Variants in SEPTIN10 observed in about 807,000 individuals in gnomAD.
SEPTIN10 encodes the protein septin-10.
SEPTIN10 carries 66 observed loss-of-function variants against 54.8 expected under a neutral mutation model. That is an observed-to-expected ratio of 1.21 (90% CI 0.99 to 1.48). The LOEUF (loss-of-function observed/expected upper bound fraction) is 1.48, where lower values mean the gene tolerates loss of function less well. Among genes scored for constraint, SEPTIN10 ranks in the 40% most tolerant of loss-of-function variants. The pLI is 0.00. For missense variants in SEPTIN10, 620 were observed against 545.6 expected, an observed-to-expected ratio of 1.14 and a Z score of -1.36; for synonymous variants, 161 against 181.0, an observed-to-expected ratio of 0.89 and a Z score of 0.89.
Position 109,593,066 on chromosome 2 carries a change from T to C in SEPTIN10, c.84A>G (p.Ser28=). The C allele has an allele frequency of 6.3e-7, 1 of 1,599,312 alleles. No individual in the cohort carries two copies. Among genetic ancestry groups the C allele is most frequent in the Non-Finnish European group, 8.5e-7 (1 of 1,173,622 alleles). Residue 28 remains serine (S), a synonymous_variant, in exon 2 of 11, where the codon TCA becomes TCG. Transcript: ENST00000397712. ...ACATACTCACTATCTGTTCATCATC[T>C]GATCCTTGTGAAGACATACAAGTTG... ...TKTTCMSSQG[S]DDEQIKRENI...
chr2:109,609,203 G>A (rs879408704), intron 1 of SEPTIN10, among the ~76,000 whole-genome samples: 6 of 152,032 alleles, frequency 3.9e-5, no homozygotes, highest in Admixed American at 3.9e-4. Context: ...AACAGCTCCT[G>A]GCTGCCTGCA....
intron 1 of SEPTIN10, among the ~76,000 whole-genome samples, chr2:109,598,341 T>C (rs897883750): frequency 2.0e-5 from 3 of 152,088 alleles, no homozygotes; most frequent in African/African-American, 7.2e-5. Flanking sequence ...GTGCTGGGAT[T>C]ATAGGCGTGA....
At chr2:109,545,247 C>T in intron 10 of SEPTIN10, 2 of 1,363,646 alleles carry the variant, frequency 1.5e-6, no homozygotes, top group Non-Finnish European at 1.9e-6. Context: ...TGAATTTCCT[C>T]AAGAGCCAAA....
chr2:109,565,688 C>G, intron 7 of SEPTIN10, 75 bp downstream of exon 7: 1 of 1,257,652 alleles, frequency 8.0e-7, no homozygotes, highest in Non-Finnish European at 1.2e-6. Context: ...AAGCATCACC[C>G]CAAAGAAGGC....
In SEPTIN10 at chr2:109,579,627, C is replaced by G. The variant is rs945668884; in HGVS notation, c.414-4860G>C. ...CAAACTCCTGACCTCAGGTGATCCA[C>G]CCACCTTGGCCTCCCAAAGTGCTGG... On this transcript the variant is annotated intron_variant, in intron 4 of 10. Transcript: ENST00000397712. Among the ~76,000 whole-genome samples the G allele has an allele frequency of 5.7e-4, 87 of 151,430 alleles. 2 individuals carry two copies. Among genetic ancestry groups the G allele is most frequent in the Non-Finnish European group, 3.2e-4 (22 of 67,918 alleles).
intron 8 of SEPTIN10, among the ~76,000 whole-genome samples, chr2:109,557,752 CATT>C (rs1684706717): frequency 6.6e-6 from 1 of 152,082 alleles, no homozygotes; most frequent in African/African-American, 2.4e-5. Flanking sequence ...CTAATGCAAT[CATT>C]GTTTCTTATC....
At chr2:109,550,574 G>A (rs759668478) in intron 9 of SEPTIN10, among the ~76,000 whole-genome samples, 7 of 151,998 alleles carry the variant, frequency 4.6e-5, no homozygotes, top group Admixed American at 1.3e-4. Flanking sequence ...TCGGCCTCCC[G>A]AAGTGCTAGG....
intron 8 of SEPTIN10, among the ~76,000 whole-genome samples, chr2:109,563,121 G>C (rs570159703): frequency 1.3e-5 from 2 of 152,228 alleles, no homozygotes; most frequent in African/African-American, 4.8e-5. Flanking sequence ...ATGTTGGCCA[G>C]GCTGGTCTTG....
At chr2:109,573,103 C>G (rs1297590396) in intron 5 of SEPTIN10, among the ~76,000 whole-genome samples, 1 of 152,122 alleles carries the variant, frequency 6.6e-6, no homozygotes, top group Non-Finnish European at 1.5e-5. Flanking sequence ...ATTTGCTAAA[C>G]CCTCTATTTA....
intron 1 of SEPTIN10, among the ~76,000 whole-genome samples, chr2:109,604,497 C>T (rs1302356023): frequency 1.3e-5 from 2 of 150,844 alleles, no homozygotes; most frequent in African/African-American, 4.9e-5. Flanking sequence ...GAGGCCGAGG[C>T]GGGTGGGATC....
intron 4 of SEPTIN10, among the ~76,000 whole-genome samples, chr2:109,576,142 T>G (rs1689631297): frequency 6.6e-6 from 1 of 152,134 alleles, no homozygotes; most frequent in Non-Finnish European, 1.5e-5. Flanking sequence ...GTGCCTATAG[T>G]CCTAGCTACT....
At chr2:109,578,389 C>G (rs1300325393) in intron 4 of SEPTIN10, among the ~76,000 whole-genome samples, 3 of 152,154 alleles carry the variant, frequency 2.0e-5, no homozygotes, top group Non-Finnish European at 4.4e-5. Flanking sequence ...GACATGGAAG[C>G]ATTACAAGAG....
chr2:109,551,190 A>G (rs1274468267), intron 9 of SEPTIN10, among the ~76,000 whole-genome samples: 1 of 152,250 alleles, frequency 6.6e-6, no homozygotes, highest in Non-Finnish European at 1.5e-5. Context: ...ATGTTCACAC[A>G]CTATTATCTA....
At chr2:109,544,517 G>T (rs1280760222) in intron 10 of SEPTIN10, 193 bp from the exon 11 acceptor site, 23 of 984,918 alleles carry the variant, frequency 2.3e-5, no homozygotes, top group Non-Finnish European at 2.5e-5. Context: ...ATATGGGCTT[G>T]GTCCTGATTT....
intron 5 of SEPTIN10, 139 bp from the exon 6 acceptor site, chr2:109,568,115 T>C: frequency 1.6e-6 from 1 of 636,632 alleles, no homozygotes; most frequent in Non-Finnish European, 2.7e-6. Context: ...CTACGGTCCA[T>C]CTCGCTGTTG....
At chr2:109,577,430 C>A (rs1361225199) in intron 4 of SEPTIN10, among the ~76,000 whole-genome samples, 1 of 151,304 alleles carries the variant, frequency 6.6e-6, no homozygotes, top group Non-Finnish European at 1.5e-5. Context: ...CCTGTCTCTG[C>A]AAAAACACAA....
intron 1 of SEPTIN10, among the ~76,000 whole-genome samples, chr2:109,602,716 G>A (rs1696909579): frequency 6.7e-6 from 1 of 149,806 alleles, no homozygotes; most frequent in Admixed American, 6.7e-5. Context: ...TAGATGGCTC[G>A]AATTCCTTCA....
At chr2:109,580,036 G>A (rs1182834945) in intron 4 of SEPTIN10, among the ~76,000 whole-genome samples, 5 of 151,784 alleles carry the variant, frequency 3.3e-5, no homozygotes, top group Non-Finnish European at 7.4e-5. Flanking sequence ...CAGGAGAATC[G>A]TCTGAACCTG....
chr2:109,613,263 T>G, intron 1 of SEPTIN10: 1 of 1,028,620 alleles, frequency 9.7e-7, no homozygotes, highest in Middle Eastern at 2.5e-4. Flanking sequence ...AAACGCGTTC[T>G]TTTAGAGTAC....
Sources: allele counts gnomAD v4.1 joint callset (sites outside exome capture counted in the v4.1 genomes callset), GRCh38; gene constraint gnomAD v4.1.1; transcripts MANE v1.5; gene names NCBI Gene and HGNC (gene_info 2026-07-23, HGNC 2026-07-21).